Variants in MARCHF6 observed in about 807,000 individuals in gnomAD.
MARCHF6 encodes E3 ubiquitin-protein ligase MARCHF6.
Under a neutral mutation model 133.7 loss-of-function variants are expected in MARCHF6, and 31 were observed. That is an observed-to-expected ratio of 0.23 (90% CI 0.17 to 0.31). The LOEUF is 0.31. Ranked by LOEUF, MARCHF6 falls within the 10% of genes least tolerant of loss-of-function variation. The pLI, the probability that MARCHF6 is intolerant of heterozygous loss-of-function variation, is 1.00. For synonymous variants in MARCHF6, 395 were observed against 402.5 expected, an observed-to-expected ratio of 0.98 and a Z score of 0.22; for missense variants, 723 against 1,121.6, an observed-to-expected ratio of 0.64 and a Z score of 5.08.
chr5:10,426,685 A>C, intron 24 of MARCHF6, among the ~76,000 whole-genome samples, 163 bp downstream of exon 24: 1 of 152,218 alleles, frequency 6.6e-6, no homozygotes, highest in East Asian at 1.9e-4. Flanking sequence ...AGATTTGACT[A>C]TTCTGGGTAA....
chr5:10,431,335 C>CAA, intron 25 of MARCHF6, among the ~76,000 whole-genome samples: 1 of 152,302 alleles, frequency 6.6e-6, no homozygotes, highest in South Asian at 2.1e-4. Flanking sequence ...GACGTGCCCT[C>CAA]AGGGAACTTT....
intron 23 of MARCHF6, among the ~76,000 whole-genome samples, chr5:10,424,711 G>A (rs1227017299): frequency 1.3e-5 from 2 of 152,172 alleles, no homozygotes; most frequent in Non-Finnish European, 2.9e-5. Context: ...GCCTGTAGTA[G>A]ATTTGGAGTG....
intron 10 of MARCHF6, among the ~76,000 whole-genome samples, chr5:10,399,558 AAAG>A (rs1006610102): frequency 6.6e-6 from 1 of 150,742 alleles, no homozygotes; most frequent in African/African-American, 2.5e-5. Flanking sequence ...ACTTGAGGAA[AAAG>A]AAGACTATAA....
At chr5:10,361,825 G>T (rs965224074) in intron 1 of MARCHF6, among the ~76,000 whole-genome samples, 4 of 151,832 alleles carry the variant, frequency 2.6e-5, no homozygotes, top group Admixed American at 2.6e-4. Context: ...GTGCAATGGC[G>T]CGATCTCGGC....
chr5:10,429,830 GT>G, intron 24 of MARCHF6, 62 bp from the exon 25 acceptor site: 1 of 1,407,104 alleles, frequency 7.1e-7, no homozygotes, highest in East Asian at 2.3e-5. Flanking sequence ...GGAAGGACAT[GT>G]TTACGTTTCA....
At chr5:10,366,219 A>T (rs993738143) in intron 1 of MARCHF6, among the ~76,000 whole-genome samples, 4 of 152,168 alleles carry the variant, frequency 2.6e-5, no homozygotes, top group Non-Finnish European at 5.9e-5. Flanking sequence ...CACTGCGCCC[A>T]GCCTTGTATT....
rs567503394 is a variant in MARCHF6 at position 10,439,037 on chromosome 5, T to A, written c.*5353T>A. On this transcript the variant is annotated 3_prime_UTR_variant, in exon 26 of 26. Coordinates refer to ENST00000274140, the MANE Select transcript of MARCHF6 (RefSeq NM_005885.4). ...TGCTTCTCTGTGTTTGTTCAGTAAC[T>A]CTTCTTTAGGATACACCTAAAGATG... 2 of 152,364 alleles carry A rather than the reference T, an allele frequency of 1.3e-5. No individual in the cohort carries two copies. Among genetic ancestry groups the A allele is most frequent in the South Asian group, 2.1e-4 (1 of 4,832 alleles). 9.4% of individuals were successfully genotyped at this position (152,364 alleles called of 1,614,324 possible). A position where few individuals can be genotyped will look rare whatever the true frequency, so the allele number is the denominator to read the frequency against.
chr5:10,407,896 C>T (rs914187958), intron 17 of MARCHF6, among the ~76,000 whole-genome samples: 8 of 149,690 alleles, frequency 5.3e-5, no homozygotes, highest in East Asian at 2.0e-4. Flanking sequence ...GCAGAGGTTG[C>T]GGTGAGCCGA....
intron 1 of MARCHF6, among the ~76,000 whole-genome samples, chr5:10,358,061 A>C (rs1290604996): frequency 6.6e-6 from 1 of 151,368 alleles, no homozygotes; most frequent in African/African-American, 2.4e-5. Flanking sequence ...CGCAGTTTTA[A>C]ATATAGCAGT....
In MARCHF6 at chr5:10,400,924, A is replaced by G. The variant is rs574118165; in HGVS notation, c.972+82A>G. On this transcript the variant is annotated intron_variant, in intron 11 of 25. Coordinates refer to ENST00000274140, the MANE Select transcript of MARCHF6 (RefSeq NM_005885.4). ...TAATAAAATAGTATTCTAAAGAGTT[A>G]CATCATTTCTTCATTGGCATTATGC... 4 of 1,113,198 alleles carry G rather than the reference A, an allele frequency of 3.6e-6. No homozygotes were observed. In the East Asian group the frequency reaches 7.2e-5, roughly 20 times the overall value. 69.0% of individuals were successfully genotyped at this position (1,113,198 alleles called of 1,614,324 possible). A position where few individuals can be genotyped will look rare whatever the true frequency, so the allele number is the denominator to read the frequency against.
At chr5:10,404,554 TCTC>T (rs1398422324) in intron 15 of MARCHF6, among the ~76,000 whole-genome samples, 1 of 152,166 alleles carries the variant, frequency 6.6e-6, no homozygotes, top group Non-Finnish European at 1.5e-5. Context: ...CAATTCCTGT[TCTC>T]CTCGATTTTA....
intron 10 of MARCHF6, 35 bp downstream of exon 10, chr5:10,397,379 T>C: frequency 3.4e-6 from 5 of 1,482,434 alleles, no homozygotes; most frequent in Non-Finnish European, 4.6e-6. Context: ...TTTTATAGTA[T>C]TATGGTAGGA....
At chr5:10,391,867 C>A in intron 7 of MARCHF6, 136 bp downstream of exon 7, 1 of 894,290 alleles carries the variant, frequency 1.1e-6, no homozygotes, top group Admixed American at 3.9e-5. Context: ...TTTATTTTGG[C>A]AAACTGGCAT....
intron 10 of MARCHF6, 119 bp downstream of exon 10, chr5:10,397,463 T>G: frequency 1.4e-6 from 1 of 717,318 alleles, no homozygotes. Context: ...AAGCAGTATA[T>G]GAAAATAGTT....
intron 22 of MARCHF6, among the ~76,000 whole-genome samples, chr5:10,422,497 A>G (rs1739876374): frequency 6.6e-6 from 1 of 152,136 alleles, no homozygotes; most frequent in Non-Finnish European, 1.5e-5. Flanking sequence ...TTGTCATTGG[A>G]CTTTTTTTCT....
Position 10,353,763 on chromosome 5 carries a change from CCTTCCTCTCG to C in MARCHF6, c.-126_-117del, listed in dbSNP as rs1229384438. 5 of 671,634 alleles carry C rather than the reference CCTTCCTCTCG, an allele frequency of 7.4e-6. No individual in the cohort carries two copies. Among genetic ancestry groups the C allele is most frequent in the South Asian group, 1.6e-5 (1 of 61,864 alleles). 41.6% of individuals were successfully genotyped at this position (671,634 alleles called of 1,614,324 possible). ...CTCTCTCCCTCTCCCTCTCCCCTCT[CCTTCCTCTCG>C]CTTCCTCTCTCGCACCTGAGCGTAC... On this transcript the variant is annotated 5_prime_UTR_variant, in exon 1 of 26. Coordinates refer to ENST00000274140, the MANE Select transcript of MARCHF6 (RefSeq NM_005885.4).
chr5:10,378,544 T>C (rs1438529048), intron 2 of MARCHF6, among the ~76,000 whole-genome samples: 1 of 152,240 alleles, frequency 6.6e-6, no homozygotes, highest in Non-Finnish European at 1.5e-5. Flanking sequence ...TGAACCTTTT[T>C]TAATGGTAGA....
At chr5:10,365,497 T>C (rs866726080) in intron 1 of MARCHF6, among the ~76,000 whole-genome samples, 2 of 151,924 alleles carry the variant, frequency 1.3e-5, no homozygotes, top group South Asian at 4.2e-4. Flanking sequence ...GTGGGGTTTC[T>C]CCATGTTGGT....
chr5:10,360,177 T>G (rs1488757684), intron 1 of MARCHF6, among the ~76,000 whole-genome samples: 5 of 138,928 alleles, frequency 3.6e-5, no homozygotes, highest in Non-Finnish European at 7.8e-5. Flanking sequence ...GAGACAGAGT[T>G]TTGCTCTTTT....
Sources: allele counts gnomAD v4.1 joint callset (sites outside exome capture counted in the v4.1 genomes callset), GRCh38; gene constraint gnomAD v4.1.1; transcripts MANE v1.5; gene names NCBI Gene and HGNC (gene_info 2026-07-23, HGNC 2026-07-21).